The following PTPRJ variants were observed in gnomAD, a reference collection of about 807,000 sequenced individuals.
PTPRJ encodes protein tyrosine phosphatase receptor type J.
A neutral mutation model predicts 141.3 loss-of-function variants in PTPRJ; 129 were observed. The ratio of observed to expected loss-of-function variants is 0.91; its 90% CI spans 0.79 to 1.06. PTPRJ has a LOEUF of 1.06. Ranked by LOEUF, PTPRJ falls within the 50% of genes least tolerant of loss-of-function variation. The pLI, the probability that PTPRJ is intolerant of heterozygous loss-of-function variation, is 0.00. For missense variants in PTPRJ, 1,601 were observed against 1,679.7 expected (o/e 0.95, Z 0.82); for synonymous variants, 610 against 640.5 (o/e 0.95, Z 0.72).
At chr11:48,070,496 T>C (rs926685177) in intron 1 of PTPRJ, among the ~76,000 whole-genome samples, 6 of 134,858 alleles carry the variant, frequency 4.4e-5, no homozygotes, top group East Asian at 2.1e-4. Flanking sequence ...CAAGACTCTG[T>C]CTCCAAAAAA....
chr11:48,127,156 T>G (rs1237737060), intron 6 of PTPRJ, among the ~76,000 whole-genome samples: 1 of 152,162 alleles, frequency 6.6e-6, no homozygotes, highest in Non-Finnish European at 1.5e-5. Context: ...AGACCCCCCA[T>G]GATGCCTTGC....
At chr11:48,161,452 G>A (rs942011627) in intron 22 of PTPRJ, among the ~76,000 whole-genome samples, 4 of 152,058 alleles carry the variant, frequency 2.6e-5, no homozygotes, top group African/African-American at 9.7e-5. Context: ...AGTATATTAA[G>A]TAGTAATTCT....
At chr11:48,139,372 T>C in intron 10 of PTPRJ, 114 bp from the exon 11 acceptor site, 1 of 1,176,090 alleles carries the variant, frequency 8.5e-7, no homozygotes, top group Non-Finnish European at 1.2e-6. Flanking sequence ...CCCCTGCCTC[T>C]TCCACCACAT....
chr11:47,988,503 G>C (rs533863476), intron 1 of PTPRJ, among the ~76,000 whole-genome samples: 136 of 152,126 alleles, frequency 8.9e-4, no homozygotes, highest in African/African-American at 3.2e-3. Context: ...GAGCCACCAT[G>C]CCTGACCATG....
chr11:48,031,774 A>C (rs1326160748), intron 1 of PTPRJ, among the ~76,000 whole-genome samples: 4 of 152,026 alleles, frequency 2.6e-5, no homozygotes, highest in Non-Finnish European at 5.9e-5. Flanking sequence ...TGCTACGGAG[A>C]GTGTGACTTA....
intron 1 of PTPRJ, among the ~76,000 whole-genome samples, chr11:48,071,949 A>T (rs1855270393): frequency 8.4e-6 from 1 of 119,602 alleles, no homozygotes. Flanking sequence ...TCTGTCACCC[A>T]GGCTGGAGTG....
chr11:48,096,918 A>G (rs895886882), intron 1 of PTPRJ: 1 of 154,564 alleles, frequency 6.5e-6, no homozygotes, highest in South Asian at 2.0e-4. Flanking sequence ...TGCCATTGAA[A>G]TTTTTTCTCA....
At chr11:47,990,376 T>C (rs993335972) in intron 1 of PTPRJ, among the ~76,000 whole-genome samples, 5 of 152,172 alleles carry the variant, frequency 3.3e-5, no homozygotes, top group Admixed American at 1.3e-4. Context: ...GACCATAATA[T>C]TGTAATTATC....
At chr11:48,066,692 TCTC>T (rs1855093577) in intron 1 of PTPRJ, among the ~76,000 whole-genome samples, 2 of 151,896 alleles carry the variant, frequency 1.3e-5, no homozygotes, top group Non-Finnish European at 2.9e-5. Context: ...TTCAAGCAAT[TCTC>T]CTGCCTCAGC....
At chr11:48,067,930 A>C (rs1327796846) in intron 1 of PTPRJ, among the ~76,000 whole-genome samples, 2 of 152,254 alleles carry the variant, frequency 1.3e-5, no homozygotes, top group African/African-American at 2.4e-5. Flanking sequence ...CAGAAGGCCC[A>C]TGTCTCAATA....
At chr11:48,157,811 G>T (rs148168792) in intron 21 of PTPRJ, among the ~76,000 whole-genome samples, 1 of 152,276 alleles carries the variant, frequency 6.6e-6, no homozygotes, top group African/African-American at 2.4e-5. Flanking sequence ...TTACCCTCTT[G>T]TTGAATCAGG....
chr11:48,074,606 G>A (rs985341291), intron 1 of PTPRJ, among the ~76,000 whole-genome samples: 2 of 152,214 alleles, frequency 1.3e-5, no homozygotes, highest in Admixed American at 1.3e-4. Flanking sequence ...CAGAGGGGGT[G>A]TTAGTAAAGT....
At chr11:48,111,562 C>T (rs1459771973) in intron 2 of PTPRJ, among the ~76,000 whole-genome samples, 2 of 152,054 alleles carry the variant, frequency 1.3e-5, no homozygotes, top group South Asian at 2.1e-4. Flanking sequence ...AGAGTACTGC[C>T]GTTGGTTTTT....
chr11:48,036,532 T>C (rs1365389846), intron 1 of PTPRJ, among the ~76,000 whole-genome samples: 1 of 152,250 alleles, frequency 6.6e-6, no homozygotes. Flanking sequence ...TTAAAAATTT[T>C]TGAAAAGTGA....
At chr11:48,048,467 G>C (rs549720442) in intron 1 of PTPRJ, among the ~76,000 whole-genome samples, 76 of 152,310 alleles carry the variant, frequency 5.0e-4, no homozygotes, top group Admixed American at 1.4e-3. Context: ...CATGCATTTT[G>C]TGTTTGTAGT....
chr11:48,155,517 G>A (rs368357650), intron 19 of PTPRJ, among the ~76,000 whole-genome samples: 4 of 152,312 alleles, frequency 2.6e-5, no homozygotes. Context: ...AAGGCATCTG[G>A]TGTGGTTAAG....
intron 1 of PTPRJ, among the ~76,000 whole-genome samples, chr11:48,102,412 T>C (rs1049723526): frequency 3.9e-5 from 6 of 152,058 alleles, no homozygotes; most frequent in African/African-American, 1.4e-4. Context: ...GCTATCTCCC[T>C]AATTTTTTTT....
chr11:48,077,435 G>A (rs1159696329), intron 1 of PTPRJ, among the ~76,000 whole-genome samples: 1 of 152,154 alleles, frequency 6.6e-6, no homozygotes, highest in East Asian at 1.9e-4. Context: ...GCTCTTGTTT[G>A]TTGACTTTTT....
chr11:48,163,935 G>A (rs2134389354), intron 23 of PTPRJ, among the ~76,000 whole-genome samples: 1 of 152,286 alleles, frequency 6.6e-6, no homozygotes, highest in South Asian at 2.1e-4. Context: ...CATATGGTTT[G>A]CAAAGCTTAA....
Sources: allele counts gnomAD v4.1 joint callset (sites outside exome capture counted in the v4.1 genomes callset), GRCh38; gene constraint gnomAD v4.1.1; transcripts MANE v1.5; gene names NCBI Gene and HGNC (gene_info 2026-07-23, HGNC 2026-07-21).